Variants in MDGA2 observed in about 807,000 individuals in gnomAD.
The protein encoded by MDGA2 is MAM domain containing glycosylphosphatidylinositol anchor 2.
Under a neutral mutation model 117.8 loss-of-function variants are expected in MDGA2, and 40 were observed. The observed-to-expected ratio is 0.34, with a 90% CI of 0.26 to 0.44. MDGA2 has a LOEUF of 0.44. Ranked by LOEUF, MDGA2 falls within the 20% of genes least tolerant of loss-of-function variation. The pLI is 1.00. For synonymous variants in MDGA2, 452 were observed against 439.0 expected, an observed-to-expected ratio of 1.03 and a Z score of -0.37; for missense variants, 1,123 against 1,250.6, an observed-to-expected ratio of 0.90 and a Z score of 1.54.
At chr14:47,544,341 T>C (rs923513051) in intron 1 of MDGA2, among the ~76,000 whole-genome samples, 13 of 152,204 alleles carry the variant, frequency 8.5e-5, no homozygotes, top group African/African-American at 3.1e-4. Context: ...AAACTTGTAG[T>C]TATGGGCTAA....
intron 1 of MDGA2, among the ~76,000 whole-genome samples, chr14:47,514,230 T>C (rs954111344): frequency 4.6e-5 from 7 of 152,122 alleles, no homozygotes; most frequent in African/African-American, 1.7e-4. Context: ...TATTTTTTTT[T>C]CTCCTTTAAA....
chr14:47,314,377 T>A (rs1319743017), intron 1 of MDGA2, among the ~76,000 whole-genome samples: 1 of 152,122 alleles, frequency 6.6e-6, no homozygotes, highest in Non-Finnish European at 1.5e-5. Flanking sequence ...TTCTCAAAAT[T>A]TTTTTCTTAA....
At chr14:47,457,555 A>C (rs1022749507) in intron 1 of MDGA2, among the ~76,000 whole-genome samples, 2 of 152,210 alleles carry the variant, frequency 1.3e-5, no homozygotes, top group Non-Finnish European at 2.9e-5. Flanking sequence ...TACTGTCTCC[A>C]AAGAAGACAT....
intron 3 of MDGA2, among the ~76,000 whole-genome samples, chr14:47,187,039 T>A (rs1279779652): frequency 1.3e-5 from 2 of 151,940 alleles, no homozygotes; most frequent in Non-Finnish European, 2.9e-5. Flanking sequence ...TATTTACACA[T>A]GTTATTATTT....
chr14:47,410,841 A>T (rs1246341430), intron 1 of MDGA2, among the ~76,000 whole-genome samples: 1 of 152,200 alleles, frequency 6.6e-6, no homozygotes, highest in African/African-American at 2.4e-5. Flanking sequence ...TCGAATTAAC[A>T]AGTATTTATA....
chr14:47,523,275 C>T lies in MDGA2; in HGVS notation c.280+151242G>A, dbSNP rs140624134. 3.4e-4 allele frequency among the ~76,000 whole-genome samples: 51 copies of T among 152,186 alleles called. No individual in the cohort carries two copies. The East Asian group carries it at 5.8e-3, about 17-fold the overall frequency. On this transcript the variant is annotated intron_variant, in intron 1 of 16. Coordinates refer to ENST00000399232, the MANE Select transcript of MDGA2 (RefSeq NM_001113498.3). ...AGTACACAAAGTTATTATGGTAAAA[C>T]CTACGTTAATTAGAATCACCAAAAT...
At chr14:46,964,488 A>C (rs976965037) in intron 8 of MDGA2, among the ~76,000 whole-genome samples, 1 of 152,214 alleles carries the variant, frequency 6.6e-6, no homozygotes, top group African/African-American at 2.4e-5. Context: ...TTCAGGAAGG[A>C]AAGAATTCAG....
chr14:47,257,342 T>G (rs1353037114), intron 2 of MDGA2, among the ~76,000 whole-genome samples: 1 of 152,164 alleles, frequency 6.6e-6, no homozygotes, highest in African/African-American at 2.4e-5. Context: ...TCTCTTGTTT[T>G]GCCTCGGATA....
intron 1 of MDGA2, among the ~76,000 whole-genome samples, chr14:47,458,016 T>G (rs1191371650): frequency 6.6e-6 from 1 of 151,952 alleles, no homozygotes; most frequent in Admixed American, 6.6e-5. Flanking sequence ...TATTTTTTTT[T>G]TTTTTTAATC....
rs562277593 is a variant in MDGA2, at chr14:47,607,988, CTAA to C, written c.280+66526_280+66528del. ...ATAAACTTACATTTATTGTTTTTTC[CTAA>C]TAATAAAAAATACAAAGCTCTAAAA... On this transcript the variant is annotated intron_variant, in intron 1 of 16. Coordinates refer to ENST00000399232, the MANE Select transcript of MDGA2 (RefSeq NM_001113498.3). Among the ~76,000 whole-genome samples, 19 of 151,736 alleles carry C rather than the reference CTAA, an allele frequency of 1.3e-4. 1 individual carries two copies. The South Asian group carries it at 2.1e-3, about 17-fold the overall frequency.
chr14:47,342,283 A>ATATAT (rs1890652232), intron 1 of MDGA2, among the ~76,000 whole-genome samples: 1 of 139,972 alleles, frequency 7.1e-6, no homozygotes, highest in African/African-American at 2.6e-5. Context: ...TATATATATA[A>ATATAT]AATATGTTAT....
At chr14:47,041,522 T>C (rs576582724) in intron 7 of MDGA2, among the ~76,000 whole-genome samples, 2 of 152,154 alleles carry the variant, frequency 1.3e-5, no homozygotes, top group South Asian at 4.1e-4. Flanking sequence ...TATATGTGTA[T>C]ATAGTCTATA....
At chr14:47,269,878 T>TA (rs1888090040) in intron 2 of MDGA2, among the ~76,000 whole-genome samples, 1 of 152,162 alleles carries the variant, frequency 6.6e-6, no homozygotes, top group Non-Finnish European at 1.5e-5. Context: ...ACTGATGAAA[T>TA]AAAGTCTGGA....
At chr14:47,053,860 AT>A (rs1177889718) in intron 7 of MDGA2, among the ~76,000 whole-genome samples, 1 of 151,742 alleles carries the variant, frequency 6.6e-6, no homozygotes, top group African/African-American at 2.4e-5. Context: ...ACTTGCAAAT[AT>A]TCCAAATTGC....
chr14:47,169,097 C>T (rs542572813), intron 3 of MDGA2, among the ~76,000 whole-genome samples: 38 of 151,942 alleles, frequency 2.5e-4, no homozygotes, highest in Non-Finnish European at 4.4e-4. Flanking sequence ...TATGAACTTA[C>T]CAAAATTCCC....
At chr14:47,619,868 AG>A (rs1897017790) in intron 1 of MDGA2, among the ~76,000 whole-genome samples, 1 of 152,186 alleles carries the variant, frequency 6.6e-6, no homozygotes, top group South Asian at 2.1e-4. Flanking sequence ...TTAGATATCC[AG>A]GGCTGCTCTA....
chr14:47,162,366 T>C (rs1201957564), intron 3 of MDGA2, among the ~76,000 whole-genome samples: 6 of 152,176 alleles, frequency 3.9e-5, no homozygotes, highest in African/African-American at 1.4e-4. Context: ...CAATATTTTC[T>C]CCTTATGGTC....
intron 3 of MDGA2, among the ~76,000 whole-genome samples, chr14:47,176,919 G>A (rs1884480958): frequency 2.0e-5 from 3 of 152,060 alleles, no homozygotes; most frequent in Admixed American, 6.6e-5. Context: ...AAGGGCTAAT[G>A]TCCAGAATCT....
intron 1 of MDGA2, among the ~76,000 whole-genome samples, chr14:47,410,255 T>G (rs767074265): frequency 6.6e-6 from 1 of 152,172 alleles, no homozygotes; most frequent in Non-Finnish European, 1.5e-5. Context: ...TGTAGTTTAC[T>G]TAAGAGGATG....
Sources: allele counts gnomAD v4.1 joint callset (sites outside exome capture counted in the v4.1 genomes callset), GRCh38; gene constraint gnomAD v4.1.1; transcripts MANE v1.5; gene names NCBI Gene and HGNC (gene_info 2026-07-23, HGNC 2026-07-21).